The following AMMECR1 variants were observed in gnomAD, a reference collection of about 807,000 sequenced individuals.
AMMECR1 encodes the protein AMMECR nuclear protein 1, also known as nuclear protein AMMECR1.
Under a neutral mutation model 22.5 loss-of-function variants are expected in AMMECR1, and 3 were observed. The ratio of observed to expected loss-of-function variants is 0.13; its 90% CI spans 0.06 to 0.35. AMMECR1 has a LOEUF of 0.35. Ranked by LOEUF, AMMECR1 falls within the 10% of genes least tolerant of loss-of-function variation. The pLI, the probability that AMMECR1 is intolerant of heterozygous loss-of-function variation, is 1.00. For missense variants in AMMECR1, 235 were observed against 278.7 expected (o/e 0.84, Z 1.12); for synonymous variants, 130 against 116.7 (o/e 1.11, Z -0.74).
At chrX:110,419,389 A>G (rs938619189) in intron 2 of AMMECR1, among the ~76,000 whole-genome samples, 3 of 112,625 alleles carry the variant, frequency 2.7e-5, no homozygotes, top group Non-Finnish European at 5.6e-5. Context: ...CCTCCTGAGA[A>G]GAGCCTTCTC....
intron 2 of AMMECR1, among the ~76,000 whole-genome samples, chrX:110,416,380 A>T (rs1228212547): frequency 8.9e-6 from 1 of 112,254 alleles, no homozygotes; most frequent in Non-Finnish European, 1.9e-5. Flanking sequence ...GGCACATGGT[A>T]ACTGCTTTAA....
chrX:110,294,035 C>A (rs187470981), intron 1 of AMMECR1, among the ~76,000 whole-genome samples: 23 of 111,932 alleles, frequency 2.1e-4, no homozygotes, highest in African/African-American at 6.8e-4. Context: ...CTAGGTCAAT[C>A]ATCTCTGAAG....
In AMMECR1 at chrX:110,318,056, A is replaced by G; in HGVS notation, c.16T>C (p.Cys6Arg). Residue 6 changes from cysteine (C) to arginine (R), a missense_variant, in exon 1 of 6, where the codon TGC becomes CGC. Physicochemically the swap from Cys to Arg is radical, Grantham distance 180. Around this residue, in one of 2 missense-constraint regions of AMMECR1, gnomAD observed 124 missense variants for 97.0 expected, o/e 1.28. Coordinates refer to ENST00000262844, the MANE Select transcript of AMMECR1 (RefSeq NM_015365.3). ...GACAGTTTCTGCTTCTTCACCCCGC[A>G]GCAACCCGCCGCCATCTTGGAACAG... MAAGC[C>R]GVKKQKLSSS... The G allele has an allele frequency of 8.3e-7, 1 of 1,201,736 alleles. No homozygotes were observed. The highest frequency in any genetic ancestry group is 1.1e-6 in the Non-Finnish European group (1 of 891,535).
intron 2 of AMMECR1, among the ~76,000 whole-genome samples, chrX:110,261,087 G>A (rs1193257978): frequency 9.0e-6 from 1 of 111,198 alleles, no homozygotes; most frequent in African/African-American, 3.3e-5. Flanking sequence ...AGTTGGGGAA[G>A]ATGAAAAACG....
At chrX:110,339,153 G>T (rs1035394934) in intron 2 of AMMECR1, among the ~76,000 whole-genome samples, 24 of 111,376 alleles carry the variant, frequency 2.2e-4, no homozygotes, top group African/African-American at 7.5e-4. Context: ...AAGTTAAAGG[G>T]TGTGCCACCA....
At chrX:110,357,618 A>T in intron 2 of AMMECR1, among the ~76,000 whole-genome samples, 1 of 112,461 alleles carries the variant, frequency 8.9e-6, no homozygotes, top group Non-Finnish European at 1.9e-5. Flanking sequence ...CAGTTGTTAG[A>T]TATAGTTACA....
chrX:110,393,944 C>T (rs760607634), intron 2 of AMMECR1, among the ~76,000 whole-genome samples: 8 of 112,287 alleles, frequency 7.1e-5, no homozygotes, highest in East Asian at 5.6e-4. Flanking sequence ...AATGACCATA[C>T]GAATCCATGA....
intron 3 of AMMECR1, among the ~76,000 whole-genome samples, chrX:110,208,070 T>A (rs112363834): frequency 1.9e-4 from 21 of 112,436 alleles, no homozygotes; most frequent in African/African-American, 6.8e-4. Flanking sequence ...CGACTAGAGA[T>A]AACTCTTATC....
intron 2 of AMMECR1, among the ~76,000 whole-genome samples, chrX:110,393,551 G>C (rs1362767839): frequency 1.8e-5 from 2 of 111,670 alleles, no homozygotes; most frequent in Non-Finnish European, 3.8e-5. Flanking sequence ...CCTAAGGCCT[G>C]TGCTATTTGC....
At chrX:110,232,080 C>A (rs756245120) in intron 2 of AMMECR1, among the ~76,000 whole-genome samples, 2 of 110,739 alleles carry the variant, frequency 1.8e-5, no homozygotes, top group African/African-American at 3.3e-5. Flanking sequence ...GACTTTAACA[C>A]CCCATTGTCA....
intron 1 of AMMECR1, among the ~76,000 whole-genome samples, chrX:110,432,021 G>A (rs983184863): frequency 8.9e-6 from 1 of 111,952 alleles, no homozygotes; most frequent in African/African-American, 3.3e-5. Context: ...TTTGGGGAGG[G>A]TTTATGTGTT....
chrX:110,267,187 C>A (rs2067774336), intron 1 of AMMECR1, among the ~76,000 whole-genome samples: 1 of 111,187 alleles, frequency 9.0e-6, no homozygotes, highest in African/African-American at 3.3e-5. Flanking sequence ...GATTTATAAT[C>A]TTTTCGGCAT....
intron 2 of AMMECR1, among the ~76,000 whole-genome samples, chrX:110,232,916 AAGAACT>A (rs2067577311): frequency 9.6e-6 from 1 of 104,378 alleles, no homozygotes; most frequent in African/African-American, 3.5e-5. Context: ...AAAAAAAAAA[AAGAACT>A]AGAGAAGCAA....
At chrX:110,229,578 C>T (rs1348861649) in intron 2 of AMMECR1, among the ~76,000 whole-genome samples, 1 of 112,174 alleles carries the variant, frequency 8.9e-6, no homozygotes. Context: ...TCTGCAGCTC[C>T]CAGCATGACC....
In AMMECR1 at chrX:110,196,270, G is replaced by A. The variant is rs2067369765; in HGVS notation, c.*2250C>T. 9.0e-6 allele frequency: 1 copy of A among 111,395 alleles called. No individual in the cohort carries two copies. Among genetic ancestry groups the A allele is most frequent in the African/African-American group, 3.3e-5 (1 of 30,638 alleles). The allele number at this position is 111,395 out of a possible 1,213,427, so 9.2% of individuals were successfully genotyped here. A position where few individuals can be genotyped will look rare whatever the true frequency, so the allele number is the denominator to read the frequency against. On this transcript the variant is annotated 3_prime_UTR_variant, in exon 6 of 6. Transcript: ENST00000262844. ...AAACTTCTAACCATAAGCTCACCCA[G>A]GACGAGGAGCCTGTTGAACCGATGA...
chrX:110,294,343 A>C (rs1389787531), intron 1 of AMMECR1, among the ~76,000 whole-genome samples: 1 of 111,944 alleles, frequency 8.9e-6, no homozygotes, highest in African/African-American at 3.2e-5. Flanking sequence ...AACATTTCTA[A>C]AAAACTGCTA....
intron 1 of AMMECR1, among the ~76,000 whole-genome samples, chrX:110,430,693 T>C (rs987001870): frequency 1.8e-5 from 2 of 112,538 alleles, no homozygotes; most frequent in Non-Finnish European, 3.8e-5. Context: ...CCCTTGTATA[T>C]AGGGTTTTCA....
chrX:110,361,470 G>A (rs771078971), intron 2 of AMMECR1, among the ~76,000 whole-genome samples: 1 of 111,096 alleles, frequency 9.0e-6, no homozygotes, highest in South Asian at 3.8e-4. Flanking sequence ...ATTTTATTAT[G>A]TGAATGTCAG....
At chrX:110,293,289 T>C (rs2067918303) in intron 1 of AMMECR1, among the ~76,000 whole-genome samples, 2 of 111,859 alleles carry the variant, frequency 1.8e-5, no homozygotes, top group South Asian at 3.7e-4. Flanking sequence ...CATGTGAGTA[T>C]ACTACCTTTT....
Sources: gnomAD v4.1 joint callset for allele counts (sites outside exome capture counted in the v4.1 genomes callset) on GRCh38, gnomAD v4.1.1 for gene constraint, gnomAD v4.1.1 regional missense constraint, MANE v1.5 for transcripts, NCBI Gene and HGNC (gene_info 2026-07-23, HGNC 2026-07-21) for gene names.